Variants in BCKDHA observed in about 807,000 individuals in gnomAD.
The protein encoded by BCKDHA is 2-oxoisovalerate dehydrogenase subunit alpha, mitochondrial.
In BCKDHA, 43 loss-of-function variants were observed where a neutral mutation model predicts 52.2. The ratio of observed to expected loss-of-function variants is 0.82; its 90% CI spans 0.64 to 1.06. The LOEUF is 1.06. Among genes scored for constraint, BCKDHA ranks in the 50% least tolerant of loss-of-function variants. The probability of loss-of-function intolerance (pLI) is 0.00; values close to 1 mark genes in which losing one functional copy is unlikely to be tolerated. For missense variants in BCKDHA, 527 were observed against 621.3 expected (o/e 0.85, Z 1.61); for synonymous variants, 234 against 247.9 (o/e 0.94, Z 0.53).
At chr19:41,408,237 G>C (rs950983184) in intron 1 of BCKDHA, among the ~76,000 whole-genome samples, 6 of 113,244 alleles carry the variant, frequency 5.3e-5, no homozygotes, top group African/African-American at 2.2e-4. Context: ...GATTACAGGC[G>C]TAAGCCACTG....
intron 4 of BCKDHA, 145 bp downstream of exon 4, chr19:41,414,302 G>T: frequency 1.2e-6 from 1 of 854,430 alleles, no homozygotes. Context: ...AGACAAGCCA[G>T]GGTTAGGACT....
At position 41,424,647 on chromosome 19, in the gene BCKDHA, C is replaced by T. The variant is rs766245519; in HGVS notation, c.*39C>T. On this transcript the variant is annotated 3_prime_UTR_variant, in exon 9 of 9. Coordinates refer to ENST00000269980, the MANE Select transcript of BCKDHA (RefSeq NM_000709.4). ...CACCCCCACCCATCCTCAGCTACCCCGAGAGGTAGCCCCACTCTAAGGGGA... is the reference window on the plus strand; with the variant it reads ...CACCCCCACCCATCCTCAGCTACCCTGAGAGGTAGCCCCACTCTAAGGGGA... 20 of 1,551,538 alleles carry T rather than the reference C, an allele frequency of 1.3e-5. No homozygotes were observed. The highest frequency in any genetic ancestry group is 8.2e-5 in the African/African-American group (6 of 73,468).
intron 1 of BCKDHA, among the ~76,000 whole-genome samples, chr19:41,401,073 TG>T: frequency 2.2e-5 from 2 of 90,864 alleles, no homozygotes; most frequent in African/African-American, 4.9e-5. Flanking sequence ...GTTTTTGTTT[TG>T]TTTTGTTTTT....
chr19:41,416,145 C>T (rs1035349677), intron 4 of BCKDHA, among the ~76,000 whole-genome samples: 2 of 152,030 alleles, frequency 1.3e-5, no homozygotes, highest in South Asian at 2.1e-4. Context: ...GGTTTCACCA[C>T]GTTGGTCAGG....
intron 1 of BCKDHA, among the ~76,000 whole-genome samples, chr19:41,405,950 G>A (rs372922411): frequency 6.6e-6 from 1 of 152,122 alleles, no homozygotes; most frequent in South Asian, 2.1e-4. Flanking sequence ...ACTGGCCACC[G>A]GGACAGACTC....
Position 41,424,652 on chromosome 19 carries a change from G to C in BCKDHA, c.*44G>C, listed in dbSNP as rs1272009531. The C allele has an allele frequency of 1.3e-6, 2 of 1,547,762 alleles. No homozygotes were observed. Among genetic ancestry groups the C allele is most frequent in the Admixed American group, 1.8e-5 (1 of 54,806 alleles). ...CCACCCATCCTCAGCTACCCCGAGA[G>C]GTAGCCCCACTCTAAGGGGAGCAGG... On this transcript the variant is annotated 3_prime_UTR_variant, in exon 9 of 9. Coordinates refer to ENST00000269980, the MANE Select transcript of BCKDHA (RefSeq NM_000709.4).
intron 3 of BCKDHA, among the ~76,000 whole-genome samples, chr19:41,412,878 A>T: frequency 6.6e-6 from 1 of 151,456 alleles, no homozygotes; most frequent in Admixed American, 6.6e-5. Flanking sequence ...TAATTTTTGT[A>T]TTTTTAGTAG....
chr19:41,417,781 T>C (rs2039320982), intron 4 of BCKDHA, among the ~76,000 whole-genome samples: 1 of 151,982 alleles, frequency 6.6e-6, no homozygotes, highest in Non-Finnish European at 1.5e-5. Flanking sequence ...AAAAATTAGC[T>C]GGATGTGGTG....
chr19:41,422,928 C>T (rs1345465511), intron 7 of BCKDHA, 70 bp from the exon 8 acceptor site: 3 of 1,567,214 alleles, frequency 1.9e-6, no homozygotes, highest in South Asian at 2.3e-5. Context: ...CCTAGTTCAT[C>T]CCCCATCCTC....
rs373164531 is a variant in BCKDHA, at chr19:41,424,831, T to A, written c.*223T>A. ...AGTTGCTGAGGCTCCGTCAGCCCCC[T>A]CTTCACCTGTTGTTACAGTGCCTTC... On this transcript the variant is annotated 3_prime_UTR_variant, in exon 9 of 9. Transcript: ENST00000269980. 5.6e-5 allele frequency: 30 copies of A among 538,224 alleles called. No individual in the cohort carries two copies. The South Asian group carries it at 6.9e-4, about 12-fold the overall frequency. 33.3% of individuals were successfully genotyped at this position (538,224 alleles called of 1,614,324 possible).
rs144995574 is a variant in BCKDHA at position 41,419,268 on chromosome 19, C to T, written c.618C>T (p.Ser206=). ...AGGAACGCCACTTCGTCACTATCTC[C>T]TCTCCACTGGCCACGCAGATCCCTC... ...GCKERHFVTI[S]SPLATQIPQA... is the part of the protein sequence containing the mutation. Residue 206 remains serine, a synonymous_variant, in exon 5 of 9, where the codon TCC becomes TCT. Coordinates refer to ENST00000269980, the MANE Select transcript of BCKDHA (RefSeq NM_000709.4). 9.3e-6 allele frequency: 15 copies of T among 1,614,056 alleles called. No homozygotes were observed. Among genetic ancestry groups the T allele is most frequent in the Non-Finnish European group, 1.2e-5 (14 of 1,179,984 alleles).
intron 1 of BCKDHA, among the ~76,000 whole-genome samples, chr19:41,406,982 C>T (rs543067386): frequency 6.6e-6 from 1 of 152,164 alleles, no homozygotes; most frequent in Non-Finnish European, 1.5e-5. Context: ...CCCACCTCAG[C>T]CTCCCAAAGT....
chr19:41,419,036 CT>C, intron 4 of BCKDHA, 98 bp from the exon 5 acceptor site: 1 of 1,441,004 alleles, frequency 6.9e-7, no homozygotes, highest in Non-Finnish European at 9.7e-7. Context: ...CAAGCCTGAG[CT>C]TTCCTGTCTG....
At chr19:41,403,635 C>A (rs1430194693) in intron 1 of BCKDHA, among the ~76,000 whole-genome samples, 1 of 152,162 alleles carries the variant, frequency 6.6e-6, no homozygotes, top group Non-Finnish European at 1.5e-5. Context: ...GGAAGCTTTC[C>A]CTGGTGTGCC....
At chr19:41,422,966 A>C (rs764357679) in intron 7 of BCKDHA, 32 bp from the exon 8 acceptor site, 1 of 1,430,320 alleles carries the variant, frequency 7.0e-7, no homozygotes. Context: ...CAGGGAGCCC[A>C]CACTGACCTG....
chr19:41,403,630 C>A (rs1278282333), intron 1 of BCKDHA, among the ~76,000 whole-genome samples: 1 of 152,202 alleles, frequency 6.6e-6, no homozygotes, highest in Non-Finnish European at 1.5e-5. Context: ...CTTTAGGAAG[C>A]TTTCCCTGGT....
rs284652 is a variant in BCKDHA at position 41,422,747 on chromosome 19, C to T, written c.972C>T (p.Phe324=). ...GGGCTGTGGCAGAGAACCAGCCCTT[C>T]CTCATCGAGGCCATGACCTACAGGT... is the stretch of plus-strand genomic sequence containing the variant. ...RRRAVAENQP[F]LIEAMTYRIG... The change falls in exon 7 of 9, where the codon TTC becomes TTT. Residue 324 remains phenylalanine, a synonymous_variant. Coordinates refer to ENST00000269980, the MANE Select transcript of BCKDHA (RefSeq NM_000709.4). The T allele has an allele frequency of 0.61, 985,066 of 1,613,360 alleles. 304,365 individuals are homozygous for T. The highest frequency in any genetic ancestry group is 0.83 in the African/African-American group (61,842 of 74,922).
Position 41,419,085 on chromosome 19 carries a change from T to C in BCKDHA, c.485-50T>C, listed in dbSNP as rs1184735717. ...CTGCAGGTCACCCACAGGGCTGAAC[T>C]GTCCCCCTGTACTGCCCACTCGGCT... On this transcript the variant is annotated intron_variant, in intron 4 of 8. Coordinates refer to ENST00000269980, the MANE Select transcript of BCKDHA (RefSeq NM_000709.4). The C allele has an allele frequency of 3.1e-6, 5 of 1,608,654 alleles. No homozygotes were observed. The African/African-American group carries it at 5.3e-5, about 17-fold the overall frequency.
intron 5 of BCKDHA, 104 bp downstream of exon 5, chr19:41,419,400 T>G: frequency 2.2e-6 from 3 of 1,392,516 alleles, no homozygotes; most frequent in Non-Finnish European, 3.0e-6. Context: ...TCTGGGTTGG[T>G]GACACCACTA....
Sources: allele counts gnomAD v4.1 joint callset (sites outside exome capture counted in the v4.1 genomes callset), GRCh38; gene constraint gnomAD v4.1.1; transcripts MANE v1.5; gene names NCBI Gene and HGNC (gene_info 2026-07-23, HGNC 2026-07-21).